Variants in CRTC1 observed in about 807,000 individuals in gnomAD.
The protein encoded by CRTC1 is CREB regulated transcription coactivator 1.
CRTC1 carries 18 observed loss-of-function variants against 66.1 expected under a neutral mutation model. The ratio of observed to expected loss-of-function variants is 0.27; its 90% CI spans 0.19 to 0.40. CRTC1 has a LOEUF of 0.40. Among genes scored for constraint, CRTC1 ranks in the 10% least tolerant of loss-of-function variants. The probability of loss-of-function intolerance (pLI) is 1.00; values close to 1 mark genes in which losing one functional copy is unlikely to be tolerated. For missense variants in CRTC1, 669 were observed against 887.9 expected (o/e 0.75, Z 3.13); for synonymous variants, 416 against 398.8 (o/e 1.04, Z -0.51).
At position 18,774,997 on chromosome 19, in the gene CRTC1, G is replaced by T. The variant is rs746191020; in HGVS notation, c.1512+11G>T. On this transcript the variant is annotated intron_variant, in intron 12 of 13. Transcript: ENST00000321949. ...GCTCTGTCCCACCAGGTGAGCGGGC[G>T]CCCAGGCTGCCAGCCGGCCGGTGCC... 6.2e-7 allele frequency: 1 copy of T among 1,601,306 alleles called. No individual in the cohort carries two copies. The highest frequency in any genetic ancestry group is 1.7e-5 in the Admixed American group (1 of 59,998).
intron 1 of CRTC1, among the ~76,000 whole-genome samples, chr19:18,684,746 G>A (rs2052647585): frequency 1.3e-5 from 2 of 152,150 alleles, no homozygotes; most frequent in Admixed American, 1.3e-4. Context: ...GCAGGGGCAG[G>A]CCAGGTTCTG....
chr19:18,708,241 T>C (rs953368347), intron 1 of CRTC1, among the ~76,000 whole-genome samples: 1 of 151,948 alleles, frequency 6.6e-6, no homozygotes, highest in Non-Finnish European at 1.5e-5. Context: ...CTGGAGAGCT[T>C]GGACGTGATC....
chr19:18,716,597 G>A (rs1043138736), intron 1 of CRTC1, among the ~76,000 whole-genome samples: 4 of 152,194 alleles, frequency 2.6e-5, no homozygotes, highest in African/African-American at 9.7e-5. Context: ...AAGCATTAGC[G>A]TGTGGAGAGC....
Position 18,768,776 on chromosome 19 carries a change from G to A in CRTC1, c.1303G>A (p.Gly435Arg), listed in dbSNP as rs1436776162. 1 of 1,602,348 alleles carries A rather than the reference G, an allele frequency of 6.2e-7. No individual in the cohort carries two copies. The highest frequency in any genetic ancestry group is 8.5e-7 in the Non-Finnish European group (1 of 1,175,700). Residue 435 changes from glycine (G) to arginine (R), a missense_variant, in exon 10 of 14, where the codon GGG becomes AGG. Coordinates refer to ENST00000321949, the MANE Select transcript of CRTC1 (RefSeq NM_015321.3). This position sits in a 1 kb window ranked among gnomAD's most constrained non-coding sequence, Gnocchi z 5.6. ...PPENPGQPSM[G>R]IDIASAPALQ... ...AGAGAACCCTGGCCAGCCATCGATG[G>A]GGATCGACATCGCCTCGGTAAGCCC...
In CRTC1 at chr19:18,741,513, T is replaced by A. The variant is rs1176550046; in HGVS notation, c.127-1397T>A. Among the ~76,000 whole-genome samples the A allele has an allele frequency of 6.6e-6, 1 of 152,114 alleles. No individual in the cohort carries two copies. Among genetic ancestry groups the A allele is most frequent in the East Asian group, 1.9e-4 (1 of 5,182 alleles). On this transcript the variant is annotated intron_variant, in intron 1 of 13. Transcript: ENST00000321949. This position sits in a 1 kb window ranked among gnomAD's most constrained non-coding sequence, Gnocchi z 4.2. ...TGGACACAGAAGAGGGTGGAGAAAG[T>A]CACGGGAGGCCACAGGCGACCTATG...
chr19:18,725,195 C>G (rs750331057), intron 1 of CRTC1, among the ~76,000 whole-genome samples: 2 of 152,182 alleles, frequency 1.3e-5, no homozygotes, highest in Non-Finnish European at 2.9e-5. Flanking sequence ...CCTGCCTGGC[C>G]CCTCATGGCA....
intron 1 of CRTC1, among the ~76,000 whole-genome samples, chr19:18,742,331 C>G (rs1040618215): frequency 5.9e-5 from 9 of 152,160 alleles, no homozygotes; most frequent in Admixed American, 2.0e-4. Context: ...TGGGAAGGAC[C>G]ATGAGGAAGG....
At chr19:18,710,873 C>G (rs1248291901) in intron 1 of CRTC1, among the ~76,000 whole-genome samples, 1 of 152,282 alleles carries the variant, frequency 6.6e-6, no homozygotes, top group East Asian at 1.9e-4. Flanking sequence ...GCCTTGGCCT[C>G]CCAAAGTGCT....
At chr19:18,761,487 C>T (rs1372294068) in intron 8 of CRTC1, among the ~76,000 whole-genome samples, 4 of 152,256 alleles carry the variant, frequency 2.6e-5, no homozygotes, top group Admixed American at 6.5e-5. Context: ...CGGCCCACTC[C>T]ACCAGCCCAT....
At chr19:18,699,068 G>A (rs994750885) in intron 1 of CRTC1, among the ~76,000 whole-genome samples, 8 of 152,066 alleles carry the variant, frequency 5.3e-5, no homozygotes, top group Non-Finnish European at 1.0e-4. Flanking sequence ...TATTTAGCAG[G>A]CGCTCAGCAG....
intron 1 of CRTC1, among the ~76,000 whole-genome samples, chr19:18,714,314 CT>C (rs915488107): frequency 2.0e-4 from 29 of 147,944 alleles, no homozygotes; most frequent in East Asian, 3.9e-4. Context: ...AACTAACACT[CT>C]TTTTTTTTTT....
At chr19:18,731,648 C>G (rs574342982) in intron 1 of CRTC1, among the ~76,000 whole-genome samples, 52 of 152,254 alleles carry the variant, frequency 3.4e-4, no homozygotes, top group Non-Finnish European at 1.8e-4. Context: ...GCTCCTGCTA[C>G]CTTGTGCTGC....
In CRTC1 at chr19:18,771,626, C is replaced by CTGTCCTCATGCATCGCTCCTCATGCA. The variant is rs2054871334; in HGVS notation, c.1425+95_1425+120dup. The stretch of plus-strand genomic sequence containing the variant: ...GCCCCGTGTGTTCCCTGCCCACTGT[C>CTGTCCTCATGCATCGCTCCTCATGCA]TGTCCTCATGCATCGCTCCTCATGC... On this transcript the variant is annotated intron_variant, in intron 11 of 13. Transcript: ENST00000321949. The surrounding 1 kb of genome is among the most constrained non-coding windows in gnomAD (Gnocchi z 4.6). 2.8e-6 allele frequency: 3 copies of CTGTCCTCATGCATCGCTCCTCATGCA among 1,086,724 alleles called. No homozygotes were observed. The highest frequency in any genetic ancestry group is 2.8e-6 in the Non-Finnish European group (2 of 725,800). 67.3% of individuals were successfully genotyped at this position (1,086,724 alleles called of 1,614,324 possible).
At chr19:18,738,572 C>T (rs1031045135) in intron 1 of CRTC1, among the ~76,000 whole-genome samples, 13 of 152,066 alleles carry the variant, frequency 8.5e-5, no homozygotes, top group Non-Finnish European at 5.9e-5. Flanking sequence ...GAGGCTGAGG[C>T]AGGCGGATCA....
intron 1 of CRTC1, among the ~76,000 whole-genome samples, chr19:18,725,422 C>T (rs1482847613): frequency 6.6e-6 from 1 of 152,196 alleles, no homozygotes; most frequent in African/African-American, 2.4e-5. Context: ...CTGTCTCTAT[C>T]CTGGAGAGGA....
At chr19:18,710,338 G>A (rs546257953) in intron 1 of CRTC1, among the ~76,000 whole-genome samples, 8 of 152,292 alleles carry the variant, frequency 5.3e-5, no homozygotes, top group East Asian at 3.9e-4. Flanking sequence ...GTTCCTCGAC[G>A]TCCCTCCCTG....
intron 1 of CRTC1, among the ~76,000 whole-genome samples, chr19:18,699,359 A>G (rs942950535): frequency 1.3e-5 from 2 of 152,098 alleles, no homozygotes; most frequent in African/African-American, 4.8e-5. Context: ...ACATTTTTCT[A>G]AGCAAATCCT....
At chr19:18,759,652 G>A (rs1008578065) in intron 7 of CRTC1, 61 bp downstream of exon 7, 2 of 1,567,410 alleles carry the variant, frequency 1.3e-6, no homozygotes, top group Non-Finnish European at 1.7e-6. Flanking sequence ...GTCCACCCTG[G>A]GGCATTCTGT....
chr19:18,728,815 C>CTTTTTTTTTTTT (rs35465891), intron 1 of CRTC1, among the ~76,000 whole-genome samples: 813 of 79,288 alleles, frequency 0.01, 114 homozygotes, highest in African/African-American at 0.045. Flanking sequence ...CTCACCTGGC[C>CTTTTTTTTTTTT]TTTTTTTTTT....
Sources: allele counts gnomAD v4.1 joint callset (sites outside exome capture counted in the v4.1 genomes callset), GRCh38; gene constraint gnomAD v4.1.1; non-coding constraint Gnocchi (gnomAD v3.1); transcripts MANE v1.5; gene names NCBI Gene and HGNC (gene_info 2026-07-23, HGNC 2026-07-21).